The following TBCD variants were observed in gnomAD, a reference collection of about 807,000 sequenced individuals.
TBCD encodes the protein tubulin folding cofactor D, also known as tubulin-specific chaperone D.
TBCD carries 105 observed loss-of-function variants against 169.3 expected under a neutral mutation model. The observed-to-expected ratio is 0.62, with a 90% confidence interval of 0.53 to 0.73. TBCD has a LOEUF of 0.73. Among genes scored for constraint, TBCD ranks in the 30% least tolerant of loss-of-function variants. TBCD has a pLI of 0.00. For missense variants in TBCD, 1,444 were observed against 1,600.1 expected, an observed-to-expected ratio of 0.90 and a Z score of 1.66; for synonymous variants, 700 against 643.9, an observed-to-expected ratio of 1.09 and a Z score of -1.32.
chr17:82,857,852 T>C (rs551014605), intron 13 of TBCD, among the ~76,000 whole-genome samples: 1 of 152,106 alleles, frequency 6.6e-6, no homozygotes, highest in South Asian at 2.1e-4. Context: ...GTTACATATG[T>C]ATACATGTGC....
intron 17 of TBCD, among the ~76,000 whole-genome samples, chr17:82,900,152 C>T (rs2059790070): frequency 6.6e-6 from 1 of 152,232 alleles, no homozygotes; most frequent in Non-Finnish European, 1.5e-5. Flanking sequence ...GCACAGCCAT[C>T]ACCCTGGAGC....
rs569435423 is a variant in TBCD at position 82,869,683 on chromosome 17, A to G, written c.1319-541A>G. 1.3e-4 allele frequency among the ~76,000 whole-genome samples: 20 copies of G among 152,336 alleles called. No homozygotes were observed. In the East Asian group the frequency reaches 3.7e-3, roughly 28 times the overall value. On this transcript the variant is annotated intron_variant, in intron 13 of 38. Coordinates refer to ENST00000355528, the MANE Select transcript of TBCD (RefSeq NM_005993.5). Reference sequence around the variant, plus strand: ...GGGTTATTCTTGAAGTCAGCACTGTAGGAGCCGTGGCCGGCTTTGCATTTT... The same window carrying G: ...GGGTTATTCTTGAAGTCAGCACTGTGGGAGCCGTGGCCGGCTTTGCATTTT...
intron 24 of TBCD, chr17:82,921,201 G>C: frequency 4.3e-6 from 2 of 462,376 alleles, no homozygotes; most frequent in Non-Finnish European, 7.8e-6. Context: ...GGGGGAGACC[G>C]TTTGAAGGAA....
intron 36 of TBCD, 189 bp from the exon 37 acceptor site, chr17:82,939,178 A>T (rs1389857308): frequency 1.6e-6 from 1 of 618,390 alleles, no homozygotes; most frequent in Admixed American, 2.8e-5. Flanking sequence ...TGGAGGGAGG[A>T]GGTGGTTAAT....
chr17:82,782,710 C>T lies in TBCD; in HGVS notation c.771+989C>T, dbSNP rs1209049159. ...CACCTCGCCACGGCGTCCTCCTGTC[C>T]GTGGCGTCGTCCTCCTGTCCGCAGC... On this transcript the variant is annotated intron_variant, in intron 7 of 38. Coordinates refer to ENST00000355528, the MANE Select transcript of TBCD (RefSeq NM_005993.5). This position sits in a 1 kb window ranked among gnomAD's most constrained non-coding sequence, Gnocchi z 5.1. 3.9e-5 allele frequency among the ~76,000 whole-genome samples: 6 copies of T among 151,966 alleles called. No individual in the cohort carries two copies. The highest frequency in any genetic ancestry group is 2.9e-5 in the Non-Finnish European group (2 of 67,984).
At chr17:82,841,203 A>G (rs1274088739) in intron 13 of TBCD, among the ~76,000 whole-genome samples, 2 of 151,456 alleles carry the variant, frequency 1.3e-5, no homozygotes, top group Non-Finnish European at 2.9e-5. Context: ...CGGCCTCCCA[A>G]AGTGCTTGGA....
intron 14 of TBCD, among the ~76,000 whole-genome samples, chr17:82,871,581 A>G (rs2057558719): frequency 6.6e-6 from 1 of 152,142 alleles, no homozygotes; most frequent in Non-Finnish European, 1.5e-5. Flanking sequence ...CCTGCTCACT[A>G]CAAGACGCCT....
At chr17:82,787,757 C>T (rs1007766753) in intron 7 of TBCD, among the ~76,000 whole-genome samples, 21 of 152,194 alleles carry the variant, frequency 1.4e-4, no homozygotes, top group African/African-American at 1.2e-4. Context: ...TCATTTCCCT[C>T]GAAGCGTAGT....
chr17:82,798,390 C>T (rs2050263395), intron 8 of TBCD, among the ~76,000 whole-genome samples: 1 of 152,304 alleles, frequency 6.6e-6, no homozygotes, highest in South Asian at 2.1e-4. Context: ...TTGAGATCCA[C>T]CTGCCTCGGC....
chr17:82,879,820 G>A (rs1266928259), intron 14 of TBCD, among the ~76,000 whole-genome samples: 1 of 152,134 alleles, frequency 6.6e-6, no homozygotes, highest in Non-Finnish European at 1.5e-5. Flanking sequence ...GAAATAATCA[G>A]TAGGCTTTTC....
intron 14 of TBCD, among the ~76,000 whole-genome samples, chr17:82,872,811 A>C (rs1239346454): frequency 6.6e-6 from 1 of 152,218 alleles, no homozygotes; most frequent in African/African-American, 2.4e-5. Context: ...CCTGTCCAGC[A>C]CCTTGTGCTG....
chr17:82,937,421 G>GGGCA, intron 35 of TBCD, 61 bp downstream of exon 35: 1 of 1,486,628 alleles, frequency 6.7e-7, no homozygotes, highest in Non-Finnish European at 9.4e-7. Context: ...CCTTGGCTGA[G>GGGCA]GGCAGGAGTC....
At chr17:82,810,043 G>A (rs1395609009) in intron 12 of TBCD, among the ~76,000 whole-genome samples, 4 of 152,210 alleles carry the variant, frequency 2.6e-5, no homozygotes, top group Non-Finnish European at 5.9e-5. Context: ...TATTCTGAAA[G>A]GAAAAGCTCT....
At position 82,942,296 on chromosome 17, in the gene TBCD, C is replaced by T. The variant is rs2063379185; in HGVS notation, c.3565-153C>T. 14 of 1,087,488 alleles carry T rather than the reference C, an allele frequency of 1.3e-5. 1 individual carries two copies. In the South Asian group the frequency reaches 1.8e-4, roughly 14 times the overall value. The allele number at this position is 1,087,488 out of a possible 1,614,324, so 67.4% of individuals were successfully genotyped here. Reference sequence around the variant, plus strand: ...TCATGAGCACCTGTCAGCCACATAGCTCAGGCTGCCGGGTGTGTGGGAAAC... The same window carrying T: ...TCATGAGCACCTGTCAGCCACATAGTTCAGGCTGCCGGGTGTGTGGGAAAC... On this transcript the variant is annotated intron_variant, in intron 38 of 38. Coordinates refer to ENST00000355528, the MANE Select transcript of TBCD (RefSeq NM_005993.5).
Position 82,814,832 on chromosome 17 carries a change from G to A in TBCD, c.1224-8G>A. On this transcript the variant is annotated splice_region_variant and splice_polypyrimidine_tract_variant and intron_variant, in intron 12 of 38. Coordinates refer to ENST00000355528, the MANE Select transcript of TBCD (RefSeq NM_005993.5). ...GGGCTGTGGTCTCAGGATCTTTGTT[G>A]CTCTCAGTTTCCAGGAGACTGACAA... The A allele has an allele frequency of 6.2e-7, 1 of 1,613,786 alleles. No homozygotes were observed. Among genetic ancestry groups the A allele is most frequent in the Admixed American group, 1.7e-5 (1 of 60,020 alleles).
chr17:82,838,791 T>G (rs1383381241), intron 13 of TBCD: 2 of 985,320 alleles, frequency 2.0e-6, no homozygotes, highest in East Asian at 1.1e-4. Flanking sequence ...CCAGGGGCTC[T>G]TAACTCTAGT....
At position 82,835,401 on chromosome 17, in the gene TBCD, C is replaced by T. The variant is rs1303893026; in HGVS notation, c.1318+20467C>T. On this transcript the variant is annotated intron_variant, in intron 13 of 38. Transcript: ENST00000355528. This position sits in a 1 kb window ranked among gnomAD's most constrained non-coding sequence, Gnocchi z 4.5. ...TTTTGTTCTCAGCAAACTGGTTTCTCTACTGATTTATTCATATTTCTTTCT... is the reference window on the plus strand; with the variant it reads ...TTTTGTTCTCAGCAAACTGGTTTCTTTACTGATTTATTCATATTTCTTTCT... 2.0e-5 allele frequency among the ~76,000 whole-genome samples: 3 copies of T among 151,736 alleles called. No homozygotes were observed. Among genetic ancestry groups the T allele is most frequent in the East Asian group, 3.9e-4 (2 of 5,166 alleles).
chr17:82,942,033 G>A, intron 38 of TBCD: 1 of 284,292 alleles, frequency 3.5e-6, no homozygotes, highest in Non-Finnish European at 6.5e-6. Context: ...TATCTGAGAG[G>A]GAGGAGGAGA....
rs142752354 is a variant in TBCD, at chr17:82,927,015, C to T, written c.2472-171C>T. The T allele has an allele frequency of 9.6e-4, 864 of 901,942 alleles. 6 individuals are homozygous for T. The African/African-American group carries it at 0.013, about 13-fold the overall frequency. The allele number at this position is 901,942 out of a possible 1,614,324, so 55.9% of individuals were successfully genotyped here. On this transcript the variant is annotated intron_variant, in intron 28 of 38. Transcript: ENST00000355528. ...GGCAGAGCGTGACCTCGGGGAAGCA[C>T]GTCCCACGTTCCATACATGTGGAAG...
Sources: gnomAD v4.1 joint callset for allele counts (sites outside exome capture counted in the v4.1 genomes callset) on GRCh38, gnomAD v4.1.1 for gene constraint, Gnocchi (gnomAD v3.1) non-coding constraint, MANE v1.5 for transcripts, NCBI Gene and HGNC (gene_info 2026-07-23, HGNC 2026-07-21) for gene names.